The following HS6ST1 variants were observed in gnomAD, a reference collection of about 807,000 sequenced individuals.
The protein encoded by HS6ST1 is heparan-sulfate 6-O-sulfotransferase 1.
In HS6ST1, 3 loss-of-function variants were observed where a neutral mutation model predicts 25.2. The ratio of observed to expected loss-of-function variants is 0.12; its 90% CI spans 0.05 to 0.31. HS6ST1 has a LOEUF of 0.31. Among genes scored for constraint, HS6ST1 ranks in the 10% least tolerant of loss-of-function variants. HS6ST1 has a pLI of 1.00. For missense variants in HS6ST1, 310 were observed against 609.6 expected (o/e 0.51, Z 5.18); for synonymous variants, 204 against 275.1 (o/e 0.74, Z 2.56).
At chr2:128,307,058 C>T (rs140199488) in intron 1 of HS6ST1, among the ~76,000 whole-genome samples, 110 of 152,212 alleles carry the variant, frequency 7.2e-4, no homozygotes, top group African/African-American at 2.5e-3. Flanking sequence ...ACTTCAGAGC[C>T]GTGGGTTCCA....
chr2:128,299,502 C>T (rs553482755), intron 1 of HS6ST1, among the ~76,000 whole-genome samples: 1 of 152,370 alleles, frequency 6.6e-6, no homozygotes, highest in East Asian at 1.9e-4. Context: ...CTACGCTGGA[C>T]ACTCCAGGCC....
intron 1 of HS6ST1, among the ~76,000 whole-genome samples, chr2:128,282,392 G>A (rs894463876): frequency 4.6e-5 from 7 of 152,204 alleles, no homozygotes; most frequent in African/African-American, 1.7e-4. Context: ...CACTGGGCGG[G>A]CCTTCCTCTG....
intron 1 of HS6ST1, among the ~76,000 whole-genome samples, chr2:128,296,141 T>C (rs1694037592): frequency 6.6e-6 from 1 of 152,192 alleles, no homozygotes; most frequent in African/African-American, 2.4e-5. Context: ...ATCTGGGACT[T>C]GGGTCTCAAG....
At chr2:128,305,339 T>A (rs1694192312) in intron 1 of HS6ST1, among the ~76,000 whole-genome samples, 1 of 152,134 alleles carries the variant, frequency 6.6e-6, no homozygotes, top group Non-Finnish European at 1.5e-5. Flanking sequence ...GCTTGGACAG[T>A]TTTAAAGCAT....
At chr2:128,277,071 CCCGG>C (rs1342595421) in intron 1 of HS6ST1, among the ~76,000 whole-genome samples, 1 of 152,160 alleles carries the variant, frequency 6.6e-6, no homozygotes, top group African/African-American at 2.4e-5. Flanking sequence ...ACAGGTCCTG[CCCGG>C]CCCAAGCATC....
intron 1 of HS6ST1, among the ~76,000 whole-genome samples, chr2:128,315,784 C>T (rs369470881): frequency 7.0e-4 from 106 of 152,284 alleles, no homozygotes; most frequent in African/African-American, 2.4e-3. Context: ...CTTGGCCCTG[C>T]GAGCACAAAG....
At chr2:128,307,562 C>T (rs1215502534) in intron 1 of HS6ST1, among the ~76,000 whole-genome samples, 7 of 152,202 alleles carry the variant, frequency 4.6e-5, no homozygotes, top group Admixed American at 2.0e-4. Context: ...ACATAAAGAA[C>T]GCTTACGAAC....
At chr2:128,290,512 C>T (rs1693935114) in intron 1 of HS6ST1, among the ~76,000 whole-genome samples, 1 of 152,188 alleles carries the variant, frequency 6.6e-6, no homozygotes, top group Admixed American at 6.5e-5. Context: ...AGATATTACA[C>T]TACGACCATA....
At chr2:128,302,848 A>G (rs958426960) in intron 1 of HS6ST1, among the ~76,000 whole-genome samples, 3 of 152,152 alleles carry the variant, frequency 2.0e-5, no homozygotes, top group African/African-American at 7.2e-5. Context: ...TTTTGGGAAG[A>G]CAGCCGGCCA....
chr2:128,281,629 A>G (rs930183851), intron 1 of HS6ST1, among the ~76,000 whole-genome samples: 1 of 152,238 alleles, frequency 6.6e-6, no homozygotes, highest in Non-Finnish European at 1.5e-5. Context: ...GCGTTCCACC[A>G]GCCTGGTCTG....
intron 1 of HS6ST1, among the ~76,000 whole-genome samples, chr2:128,314,171 G>A (rs945790033): frequency 1.3e-5 from 2 of 152,130 alleles, no homozygotes; most frequent in East Asian, 1.9e-4. Context: ...AGAAGAAAGC[G>A]ATTATGAAGG....
At chr2:128,296,136 G>C (rs1376746120) in intron 1 of HS6ST1, among the ~76,000 whole-genome samples, 1 of 152,210 alleles carries the variant, frequency 6.6e-6, no homozygotes, top group Non-Finnish European at 1.5e-5. Context: ...CCTTCATCTG[G>C]GACTTGGGTC....
intron 1 of HS6ST1, among the ~76,000 whole-genome samples, chr2:128,283,044 A>G (rs958817563): frequency 3.3e-5 from 5 of 152,176 alleles, no homozygotes; most frequent in Admixed American, 2.6e-4. Context: ...TCACCTCTCC[A>G]GCAAATAAAA....
At chr2:128,300,122 G>C (rs534466900) in intron 1 of HS6ST1, among the ~76,000 whole-genome samples, 1 of 152,268 alleles carries the variant, frequency 6.6e-6, no homozygotes, top group African/African-American at 2.4e-5. Context: ...CTGTAAAATG[G>C]GGGGCTTCTC....
At position 128,274,574 on chromosome 2, in the gene HS6ST1, A is replaced by C. The variant is rs568906282; in HGVS notation, c.528-5704T>G. On this transcript the variant is annotated intron_variant, in intron 1 of 1. Transcript: ENST00000259241. ...AAAAGAAAAAACAGAACAAACAAAC[A>C]AACAAACAAACTTGGAAGCCAGGAG... Among the ~76,000 whole-genome samples, 700 of 152,256 alleles carry C rather than the reference A, an allele frequency of 4.6e-3. 5 individuals are homozygous for C. The highest frequency in any genetic ancestry group is 0.015 in the African/African-American group (642 of 41,552).
intron 1 of HS6ST1, among the ~76,000 whole-genome samples, chr2:128,281,489 G>C (rs1032816983): frequency 1.3e-5 from 2 of 152,222 alleles, no homozygotes; most frequent in South Asian, 2.1e-4. Flanking sequence ...AGCCTTCTTT[G>C]CCCTGTTTTC....
At chr2:128,311,494 C>A (rs1573710737) in intron 1 of HS6ST1, among the ~76,000 whole-genome samples, 1 of 152,188 alleles carries the variant, frequency 6.6e-6, no homozygotes, top group African/African-American at 2.4e-5. Context: ...ATGCTCTTCC[C>A]GCCTCAAACC....
intron 1 of HS6ST1, among the ~76,000 whole-genome samples, chr2:128,304,010 C>T (rs1035239123): frequency 4.6e-5 from 7 of 152,190 alleles, no homozygotes; most frequent in Non-Finnish European, 7.3e-5. Context: ...ATCTTCTTGC[C>T]CTTGGACATC....
At chr2:128,297,850 C>A (rs1265654825) in intron 1 of HS6ST1, among the ~76,000 whole-genome samples, 3 of 152,046 alleles carry the variant, frequency 2.0e-5, no homozygotes, top group Non-Finnish European at 4.4e-5. Flanking sequence ...CAAAACAAAA[C>A]AAAAAATTGA....
Sources: allele counts gnomAD v4.1 joint callset (sites outside exome capture counted in the v4.1 genomes callset), GRCh38; gene constraint gnomAD v4.1.1; transcripts MANE v1.5; gene names NCBI Gene and HGNC (gene_info 2026-07-23, HGNC 2026-07-21).